Variants in C7orf78 observed in about 807,000 individuals in gnomAD.
The protein encoded by C7orf78 is putative uncharacterized protein C7orf78.
the C7orf78 span, among the ~76,000 whole-genome samples, chr7:12,499,690 G>C: frequency 6.6e-6 from 1 of 151,730 alleles, no homozygotes; most frequent in Non-Finnish European, 1.5e-5. Context: ...AAGTCAACAA[G>C]GATACCCAGG....
chr7:12,504,788 C>T, the C7orf78 span, among the ~76,000 whole-genome samples: 6 of 152,022 alleles, frequency 3.9e-5, no homozygotes, highest in Admixed American at 1.3e-4. Context: ...TTGAATTTCC[C>T]TTTATACAAG....
the C7orf78 span, among the ~76,000 whole-genome samples, chr7:12,537,306 A>C: frequency 6.6e-6 from 1 of 152,188 alleles, no homozygotes; most frequent in Non-Finnish European, 1.5e-5. Flanking sequence ...CCCATTTTTA[A>C]AGCCATCAGA....
At chr7:12,488,035 C>T in the C7orf78 span, among the ~76,000 whole-genome samples, 1 of 152,120 alleles carries the variant, frequency 6.6e-6, no homozygotes, top group East Asian at 1.9e-4. Context: ...AAGAAACCCT[C>T]TACTGGAAGT....
the C7orf78 span, among the ~76,000 whole-genome samples, chr7:12,535,602 A>T: frequency 6.6e-6 from 1 of 152,098 alleles, no homozygotes; most frequent in African/African-American, 2.4e-5. Context: ...CCCAACAGTC[A>T]CCCTAAGTTT....
chr7:12,509,269 G>T, the C7orf78 span, among the ~76,000 whole-genome samples: 13 of 152,350 alleles, frequency 8.5e-5, no homozygotes, highest in Middle Eastern at 0.01. Context: ...ACATTGTATG[G>T]CTTGACCCTC....
the C7orf78 span, among the ~76,000 whole-genome samples, chr7:12,529,243 C>G: frequency 2.6e-5 from 4 of 151,980 alleles, no homozygotes; most frequent in Non-Finnish European, 5.9e-5. Context: ...TCTTTTATTT[C>G]TAGATCTTGA....
chr7:12,511,130 T>C, the C7orf78 span, among the ~76,000 whole-genome samples: 5,523 of 152,168 alleles, frequency 0.036, 349 homozygotes, highest in African/African-American at 0.13. Flanking sequence ...CAACTATGTA[T>C]TGAAGAGGGT....
the C7orf78 span, among the ~76,000 whole-genome samples, chr7:12,488,867 G>A: frequency 6.6e-6 from 1 of 150,660 alleles, no homozygotes; most frequent in Non-Finnish European, 1.5e-5. Flanking sequence ...TATTTTCAGA[G>A]AAATTAATCT....
chr7:12,508,344 G>GT, the C7orf78 span, among the ~76,000 whole-genome samples: 17 of 151,680 alleles, frequency 1.1e-4, no homozygotes, highest in Non-Finnish European at 1.6e-4. Flanking sequence ...AAGTTTCTAA[G>GT]TTTTTTTTAA....
the C7orf78 span, among the ~76,000 whole-genome samples, chr7:12,537,378 A>G: frequency 3.3e-5 from 5 of 152,148 alleles, no homozygotes; most frequent in African/African-American, 9.7e-5. Flanking sequence ...CCAGAATTCA[A>G]TCACCTCCCA....
At chr7:12,501,535 G>A in the C7orf78 span, among the ~76,000 whole-genome samples, 1 of 148,086 alleles carries the variant, frequency 6.8e-6, no homozygotes, top group Admixed American at 6.7e-5. Flanking sequence ...GGATGTGAAG[G>A]ACCTCTTCAA....
chr7:12,492,126 A>G, the C7orf78 span: 8 of 152,182 alleles, frequency 5.3e-5, no homozygotes, highest in Non-Finnish European at 8.8e-5. Flanking sequence ...CCCCAGGACA[A>G]GTGAGGCACT....
At chr7:12,506,415 G>C in the C7orf78 span, among the ~76,000 whole-genome samples, 1 of 152,156 alleles carries the variant, frequency 6.6e-6, no homozygotes, top group Non-Finnish European at 1.5e-5. Context: ...TGATAGACTG[G>C]ATAGAGAAAA....
the C7orf78 span, among the ~76,000 whole-genome samples, chr7:12,527,834 A>C: frequency 1.3e-5 from 2 of 148,692 alleles, no homozygotes; most frequent in African/African-American, 5.0e-5. Context: ...GCTATGTGTC[A>C]CTCACTTTGG....
the C7orf78 span, among the ~76,000 whole-genome samples, chr7:12,522,373 G>T: frequency 6.6e-6 from 1 of 152,062 alleles, no homozygotes; most frequent in Non-Finnish European, 1.5e-5. Context: ...TCACTGGTTA[G>T]CTGGTCAGCA....
the C7orf78 span, among the ~76,000 whole-genome samples, chr7:12,518,650 T>C: frequency 2.6e-5 from 4 of 152,092 alleles, no homozygotes; most frequent in Non-Finnish European, 5.9e-5. Flanking sequence ...ATAGATAGAA[T>C]AATCACCAAG....
the C7orf78 span, among the ~76,000 whole-genome samples, chr7:12,519,318 G>A: frequency 6.6e-6 from 1 of 152,154 alleles, no homozygotes; most frequent in African/African-American, 2.4e-5. Context: ...CCCCAGACAA[G>A]CAGCCCTCTC....
chr7:12,496,318 T>C, the C7orf78 span: 1 of 152,228 alleles, frequency 6.6e-6, no homozygotes, highest in Admixed American at 6.5e-5. Flanking sequence ...TTTTGGATGG[T>C]TCTACATATA....
At chr7:12,497,569 G>A in the C7orf78 span, among the ~76,000 whole-genome samples, 10 of 152,206 alleles carry the variant, frequency 6.6e-5, 1 homozygote, top group South Asian at 8.3e-4. Flanking sequence ...CCCTGCACCC[G>A]GCTCGGAGGG....
Sources: allele counts gnomAD v4.1 joint callset (sites outside exome capture counted in the v4.1 genomes callset), GRCh38; gene constraint gnomAD v4.1.1; transcripts MANE v1.5; gene names NCBI Gene and HGNC (gene_info 2026-07-23, HGNC 2026-07-21).